UGP2: variants seen among roughly 807,000 people sequenced by gnomAD.
UGP2 encodes UDP-glucose pyrophosphorylase 2, also known as UTP--glucose-1-phosphate uridylyltransferase.
In UGP2, 40 loss-of-function variants were observed where a neutral mutation model predicts 49.0. The ratio of observed to expected loss-of-function variants is 0.82; its 90% CI spans 0.63 to 1.06. The LOEUF (loss-of-function observed/expected upper bound fraction) is 1.06. Among genes scored for constraint, UGP2 ranks in the 50% least tolerant of loss-of-function variants. The pLI is 0.00. For missense variants in UGP2, 460 were observed against 603.5 expected, an observed-to-expected ratio of 0.76 and a Z score of 2.49; for synonymous variants, 225 against 213.0, an observed-to-expected ratio of 1.06 and a Z score of -0.49.
chr2:63,841,267 T>C (rs985994986), upstream of UGP2: 2 of 147,734 alleles, frequency 1.4e-5, no homozygotes, highest in Admixed American at 6.7e-5. Flanking sequence ...AGGGGCGGGG[T>C]TGGGCTTCCG....
chr2:63,862,835 C>T (rs1489284005), intron 3 of UGP2: 1 of 455,130 alleles, frequency 2.2e-6, no homozygotes, highest in Non-Finnish European at 4.4e-6. Context: ...CTTCTTTTGC[C>T]CACAGGCAGG....
intron 1 of UGP2, chr2:63,842,484 A>C (rs1336638218): frequency 6.5e-7 from 1 of 1,537,596 alleles, no homozygotes; most frequent in Non-Finnish European, 8.7e-7. Context: ...AAGTGATAAA[A>C]CAGGATTTTT....
chr2:63,867,896 T>C (rs559127775), intron 3 of UGP2, among the ~76,000 whole-genome samples: 94 of 152,348 alleles, frequency 6.2e-4, no homozygotes, highest in Non-Finnish European at 1.1e-3. Flanking sequence ...AGATACACTT[T>C]AGCTAATTCT....
At chr2:63,878,620 T>C (rs2104342382) in intron 3 of UGP2, among the ~76,000 whole-genome samples, 1 of 152,282 alleles carries the variant, frequency 6.6e-6, no homozygotes, top group Non-Finnish European at 1.5e-5. Context: ...TTCTTCTACT[T>C]AAAAGGGTTG....
At chr2:63,846,903 A>G (rs62136362) in intron 1 of UGP2, among the ~76,000 whole-genome samples, 8,576 of 152,284 alleles carry the variant, frequency 0.056, 405 homozygotes, top group South Asian at 0.13. Flanking sequence ...GATTTATTAT[A>G]TTATTTGAAG....
At chr2:63,862,365 A>G (rs1476280564) in intron 3 of UGP2, among the ~76,000 whole-genome samples, 1 of 152,128 alleles carries the variant, frequency 6.6e-6, no homozygotes, top group East Asian at 1.9e-4. Context: ...AATTTAGCAA[A>G]TATTGCCAAA....
chr2:63,854,601 C>A (rs548525916), intron 1 of UGP2, among the ~76,000 whole-genome samples: 9 of 151,684 alleles, frequency 5.9e-5, no homozygotes, highest in Non-Finnish European at 1.3e-4. Context: ...AAGATAGCTA[C>A]GCTTCTTGTC....
intron 3 of UGP2, among the ~76,000 whole-genome samples, chr2:63,878,711 G>T (rs1004636695): frequency 1.4e-4 from 21 of 152,208 alleles, no homozygotes; most frequent in African/African-American, 5.1e-4. Flanking sequence ...CTATAGGTGT[G>T]CACCACCATG....
At chr2:63,887,354 G>C in intron 7 of UGP2, 48 bp from the exon 8 acceptor site, 1 of 1,607,386 alleles carries the variant, frequency 6.2e-7, no homozygotes, top group Non-Finnish European at 8.5e-7. Flanking sequence ...CTAAGTTGTA[G>C]GTGCCTAAAA....
At chr2:63,850,767 T>G (rs1457642867) in intron 1 of UGP2, among the ~76,000 whole-genome samples, 3 of 152,178 alleles carry the variant, frequency 2.0e-5, no homozygotes, top group African/African-American at 7.2e-5. Flanking sequence ...TTATCTTAAC[T>G]CTGCCTTTCT....
At chr2:63,850,619 A>G (rs1306594262) in intron 1 of UGP2, among the ~76,000 whole-genome samples, 3 of 152,374 alleles carry the variant, frequency 2.0e-5, no homozygotes, top group East Asian at 3.9e-4. Context: ...AATTGAAAAG[A>G]AATTTAGTAG....
Position 63,857,925 on chromosome 2 carries a change from C to G in UGP2, c.244C>G (p.Pro82Ala). ...SVDWGKIQRP[P>A]EDSIQPYEKI... ...GGATTGGGGAAAAATCCAGAGACCCCCTGAAGATTCGGTAAGTTTTAGATA... is the reference window on the plus strand; with the variant it reads ...GGATTGGGGAAAAATCCAGAGACCCGCTGAAGATTCGGTAAGTTTTAGATA... Residue 82 changes from proline to alanine, a missense_variant, in exon 3 of 10, where the codon CCT (proline) becomes GCT (alanine). Pro to Ala is a conservative substitution (Grantham distance 27). Coordinates refer to ENST00000337130, the MANE Select transcript of UGP2 (RefSeq NM_006759.4). 1 of 1,613,372 alleles carries G rather than the reference C, an allele frequency of 6.2e-7. No individual in the cohort carries two copies. The highest frequency in any genetic ancestry group is 8.5e-7 in the Non-Finnish European group (1 of 1,179,774).
chr2:63,886,514 C>G lies in UGP2; in HGVS notation c.1047C>G (p.Asp349Glu), dbSNP rs1394449449. The part of the protein sequence containing the change: ...VKRLQEQNAI[D>E]MEIIVNAKTL... Reference sequence around the variant, plus strand: ...GACTGCAGGAGCAAAATGCCATTGACATGGAAATCATTGTGAATGCAAAGG... The same window carrying G: ...GACTGCAGGAGCAAAATGCCATTGAGATGGAAATCATTGTGAATGCAAAGG... The change falls in exon 7 of 10, where the codon GAC (aspartate) becomes GAG (glutamate). Residue 349 changes from aspartate (D) to glutamate (E), a missense_variant. This residue lies in a region of UGP2 where 317 missense variants were observed against 473.0 expected (regional missense o/e 0.67). Transcript: ENST00000337130. 3.7e-6 allele frequency: 6 copies of G among 1,614,128 alleles called. No individual in the cohort carries two copies. Among genetic ancestry groups the G allele is most frequent in the Non-Finnish European group, 5.1e-6 (6 of 1,180,004 alleles).
At chr2:63,858,756 G>A (rs1357985050) in intron 3 of UGP2, among the ~76,000 whole-genome samples, 1 of 151,934 alleles carries the variant, frequency 6.6e-6, no homozygotes, top group Non-Finnish European at 1.5e-5. Context: ...CCAAGAAAGA[G>A]TTAGAATTCT....
At chr2:63,863,157 T>A (rs925649721) in intron 3 of UGP2, among the ~76,000 whole-genome samples, 4 of 152,206 alleles carry the variant, frequency 2.6e-5, no homozygotes, top group African/African-American at 9.6e-5. Context: ...TGAATTTTTT[T>A]AAACCATCTG....
At chr2:63,881,104 A>T (rs1037368845) in intron 3 of UGP2, among the ~76,000 whole-genome samples, 1 of 152,200 alleles carries the variant, frequency 6.6e-6, no homozygotes, top group African/African-American at 2.4e-5. Context: ...TTTACACCAA[A>T]CAAGAAAGTG....
At chr2:63,863,954 G>T (rs891631543) in intron 3 of UGP2, among the ~76,000 whole-genome samples, 3 of 152,194 alleles carry the variant, frequency 2.0e-5, no homozygotes, top group Non-Finnish European at 4.4e-5. Flanking sequence ...ATCGTACATA[G>T]TCCTAATGCC....
Position 63,843,410 on chromosome 2 carries a change from C to T in UGP2, c.19+1206C>T, listed in dbSNP as rs192802318. On this transcript the variant is annotated intron_variant, in intron 1 of 9. Coordinates refer to ENST00000337130, the MANE Select transcript of UGP2 (RefSeq NM_006759.4). ...CTTATTCAAGAATAGAAAGGCAGAA[C>T]TGTTAGAAACGTACTGGTTTTGTAA... Among the ~76,000 whole-genome samples, 4 of 152,306 alleles carry T rather than the reference C, an allele frequency of 2.6e-5. No homozygotes were observed. The East Asian group carries it at 5.8e-4, about 22-fold the overall frequency.
chr2:63,862,404 GA>G (rs1332001169), intron 3 of UGP2, among the ~76,000 whole-genome samples: 1 of 152,064 alleles, frequency 6.6e-6, no homozygotes, highest in Non-Finnish European at 1.5e-5. Flanking sequence ...ATGATGAATT[GA>G]ACAGTTTTTG....
Sources: gnomAD v4.1 joint callset for allele counts (sites outside exome capture counted in the v4.1 genomes callset) on GRCh38, gnomAD v4.1.1 for gene constraint, gnomAD v4.1.1 regional missense constraint, MANE v1.5 for transcripts, NCBI Gene and HGNC (gene_info 2026-07-23, HGNC 2026-07-21) for gene names.